Variants in SPAG16 observed in about 807,000 individuals in gnomAD.
SPAG16 encodes the protein sperm associated antigen 16, also known as sperm-associated antigen 16 protein.
In SPAG16, 86 loss-of-function variants were observed where a neutral mutation model predicts 80.4. The ratio of observed to expected loss-of-function variants is 1.07; its 90% CI spans 0.90 to 1.28. The LOEUF (loss-of-function observed/expected upper bound fraction) is 1.28. Among genes scored for constraint, SPAG16 ranks in the 50% most tolerant of loss-of-function variants. SPAG16 has a pLI of 0.00. For missense variants in SPAG16, 870 were observed against 765.3 expected (o/e 1.14, Z -1.61); for synonymous variants, 294 against 265.9 (o/e 1.11, Z -1.03).
At chr2:213,910,202 A>G (rs1343878884) in intron 11 of SPAG16, among the ~76,000 whole-genome samples, 19 of 152,246 alleles carry the variant, frequency 1.2e-4, no homozygotes, top group Admixed American at 1.2e-3. Context: ...TCTATTGAAT[A>G]GATAGACACA....
intron 12 of SPAG16, among the ~76,000 whole-genome samples, chr2:213,972,667 A>C (rs1333049090): frequency 2.0e-5 from 3 of 152,196 alleles, no homozygotes; most frequent in Non-Finnish European, 2.9e-5. Context: ...TTTGTCAGCT[A>C]TCTGGGTATC....
chr2:214,241,164 GCAACA>G (rs929528976), intron 15 of SPAG16: 4 of 151,950 alleles, frequency 2.6e-5, no homozygotes, highest in Non-Finnish European at 4.4e-5. Context: ...ACCAGCATGG[GCAACA>G]CAGTGAAACT....
chr2:213,928,104 T>G (rs1204433712), intron 11 of SPAG16, among the ~76,000 whole-genome samples: 1 of 152,130 alleles, frequency 6.6e-6, no homozygotes, highest in Non-Finnish European at 1.5e-5. Context: ...TCTTTTCTCT[T>G]TTTGAGATGG....
intron 13 of SPAG16, among the ~76,000 whole-genome samples, chr2:214,088,556 A>G (rs1030767744): frequency 2.6e-5 from 4 of 152,170 alleles, no homozygotes; most frequent in African/African-American, 7.2e-5. Context: ...CCAAAATATG[A>G]AAGGCCAGGG....
At chr2:213,881,054 T>C (rs2076324687) in intron 11 of SPAG16, among the ~76,000 whole-genome samples, 2 of 152,194 alleles carry the variant, frequency 1.3e-5, no homozygotes, top group Admixed American at 1.3e-4. Flanking sequence ...GTAAATTGCT[T>C]TGGGCAGTAT....
At chr2:213,317,958 A>C (rs2063468809) in intron 5 of SPAG16, 1 of 155,024 alleles carries the variant, frequency 6.5e-6, no homozygotes, top group Admixed American at 6.6e-5. Flanking sequence ...CTAAAAATAA[A>C]GTTTATTAAA....
intron 10 of SPAG16, among the ~76,000 whole-genome samples, chr2:213,680,297 T>C (rs1422764564): frequency 6.6e-6 from 1 of 152,126 alleles, no homozygotes; most frequent in Admixed American, 6.6e-5. Flanking sequence ...CACAGGAGCA[T>C]AATGGAGAAG....
chr2:213,726,976 G>A (rs1369660928), intron 10 of SPAG16, among the ~76,000 whole-genome samples: 2 of 152,096 alleles, frequency 1.3e-5, no homozygotes, highest in Non-Finnish European at 2.9e-5. Context: ...TTTATCTTTG[G>A]AAAGTTTGTG....
At chr2:213,856,495 C>G (rs10932505) in intron 10 of SPAG16, among the ~76,000 whole-genome samples, 1 of 152,036 alleles carries the variant, frequency 6.6e-6, no homozygotes, top group Non-Finnish European at 1.5e-5. Flanking sequence ...ACCCACATTT[C>G]CCTTCCACAC....
intron 10 of SPAG16, among the ~76,000 whole-genome samples, chr2:213,654,791 G>A (rs1411172476): frequency 6.6e-6 from 1 of 151,572 alleles, no homozygotes; most frequent in Non-Finnish European, 1.5e-5. Flanking sequence ...CCTACAACTA[G>A]AAATGGCACC....
chr2:213,666,488 T>C (rs372581848), intron 10 of SPAG16, among the ~76,000 whole-genome samples: 5 of 152,274 alleles, frequency 3.3e-5, no homozygotes, highest in African/African-American at 1.2e-4. Context: ...ACTGCATGTA[T>C]CATGTTGAAA....
chr2:213,978,987 AGG>A (rs1187348378), intron 12 of SPAG16, among the ~76,000 whole-genome samples: 1 of 138,700 alleles, frequency 7.2e-6, no homozygotes, highest in East Asian at 2.3e-4. Context: ...AGAGAAAGGG[AGG>A]GAGAGAGAGA....
At chr2:213,817,618 A>G (rs996938074) in intron 10 of SPAG16, among the ~76,000 whole-genome samples, 3 of 152,156 alleles carry the variant, frequency 2.0e-5, no homozygotes, top group African/African-American at 7.2e-5. Context: ...TAAAGAAAAT[A>G]TGGTACATAT....
intron 12 of SPAG16, among the ~76,000 whole-genome samples, chr2:213,974,860 G>A (rs1310533152): frequency 1.3e-5 from 2 of 150,650 alleles, no homozygotes; most frequent in African/African-American, 4.9e-5. Context: ...CATTCACTCA[G>A]GCTCACAGAT....
At chr2:214,404,889 TATTATATATGC>T (rs888228747) in intron 15 of SPAG16, among the ~76,000 whole-genome samples, 17 of 152,194 alleles carry the variant, frequency 1.1e-4, no homozygotes, top group African/African-American at 4.1e-4. Context: ...TTTTAGTACA[TATTATATATGC>T]ATTAGAATGT....
chr2:214,349,872 C>T (rs1293127711), intron 15 of SPAG16, among the ~76,000 whole-genome samples: 1 of 152,108 alleles, frequency 6.6e-6, no homozygotes, highest in Non-Finnish European at 1.5e-5. Flanking sequence ...ATTTGTGTAT[C>T]TATCTTTATG....
intron 15 of SPAG16, among the ~76,000 whole-genome samples, chr2:214,196,764 G>A (rs2057852095): frequency 6.6e-6 from 1 of 152,004 alleles, no homozygotes; most frequent in Non-Finnish European, 1.5e-5. Context: ...ATCAAAAGCA[G>A]AATACTAATT....
intron 15 of SPAG16, among the ~76,000 whole-genome samples, chr2:214,194,850 A>G (rs780823739): frequency 1.1e-4 from 17 of 152,064 alleles, no homozygotes; most frequent in Non-Finnish European, 8.8e-5. Flanking sequence ...ATTTACTACT[A>G]CGACTGGAAT....
chr2:213,284,712 C>A, intron 1 of SPAG16, 93 bp downstream of exon 1: 2 of 1,464,698 alleles, frequency 1.4e-6, no homozygotes, highest in African/African-American at 2.8e-5. Context: ...GCCTTTTGAG[C>A]CTTGGGGCCA....
Sources: allele counts gnomAD v4.1 joint callset (sites outside exome capture counted in the v4.1 genomes callset), GRCh38; gene constraint gnomAD v4.1.1; transcripts MANE v1.5; gene names NCBI Gene and HGNC (gene_info 2026-07-23, HGNC 2026-07-21).